Variants in FLNB observed in about 807,000 individuals in gnomAD.
The protein encoded by FLNB is filamin B, also known as filamin-B.
Under a neutral mutation model 250.6 loss-of-function variants are expected in FLNB, and 111 were observed. That is an observed-to-expected ratio of 0.44 (90% CI 0.38 to 0.52). The LOEUF is 0.52. Among genes scored for constraint, FLNB ranks in the 20% least tolerant of loss-of-function variants. FLNB has a pLI of 0.00. For missense variants in FLNB, 2,869 were observed against 3,447.8 expected, an observed-to-expected ratio of 0.83 and a Z score of 4.20; for synonymous variants, 1,302 against 1,372.1, an observed-to-expected ratio of 0.95 and a Z score of 1.13.
At chr3:58,107,278 G>A (rs1041464601) in intron 12 of FLNB, among the ~76,000 whole-genome samples, 6 of 152,074 alleles carry the variant, frequency 3.9e-5, no homozygotes, top group Admixed American at 2.0e-4. Context: ...TGATCCACCC[G>A]CCTCGGCCCT....
intron 32 of FLNB, 31 bp from the exon 33 acceptor site, chr3:58,145,890 C>T (rs374058659): frequency 6.2e-7 from 1 of 1,613,974 alleles, no homozygotes; most frequent in African/African-American, 1.3e-5. Flanking sequence ...TTAATGAGCA[C>T]CAATTTTGTT....
intron 1 of FLNB, among the ~76,000 whole-genome samples, chr3:58,062,289 A>G (rs1244850978): frequency 1.3e-5 from 2 of 152,178 alleles, no homozygotes; most frequent in African/African-American, 2.4e-5. Flanking sequence ...ACTTTTCTAC[A>G]AATTATCCCC....
At chr3:58,123,797 C>G in intron 21 of FLNB, 107 bp downstream of exon 21, 1 of 941,962 alleles carries the variant, frequency 1.1e-6, no homozygotes, top group South Asian at 1.5e-5. Flanking sequence ...AGCCAGGTGA[C>G]ATATAAGGCG....
chr3:58,131,414 GC>G (rs1246077933), intron 25 of FLNB, among the ~76,000 whole-genome samples: 1 of 152,156 alleles, frequency 6.6e-6, no homozygotes, highest in Non-Finnish European at 1.5e-5. Flanking sequence ...TGGCAATTTG[GC>G]CTGCCTTGTT....
chr3:58,036,268 A>C (rs1373610074), intron 1 of FLNB, among the ~76,000 whole-genome samples: 1 of 152,106 alleles, frequency 6.6e-6, no homozygotes, highest in Non-Finnish European at 1.5e-5. Context: ...AAGACAGAGG[A>C]ATTGCAATGG....
chr3:58,062,595 C>CA (rs1346045342), intron 1 of FLNB, among the ~76,000 whole-genome samples: 2 of 152,180 alleles, frequency 1.3e-5, no homozygotes, highest in Non-Finnish European at 2.9e-5. Flanking sequence ...AATTTTCTAT[C>CA]AGCAGTGGCC....
rs773000272 is a variant in FLNB at position 58,077,071 on chromosome 3, C to A, written c.318C>A (p.Asn106Lys). ...SIDSKAIVDG[N>K]LKLILGLVWT... Reference sequence around the variant, plus strand: ...ATAGCAAAGCCATTGTGGATGGGAACCTGAAGCTCATCTTGGGTCTGGTGT... The same window carrying A: ...ATAGCAAAGCCATTGTGGATGGGAAACTGAAGCTCATCTTGGGTCTGGTGT... The change falls in exon 2 of 46, where the codon AAC (asparagine) becomes AAA (lysine). Residue 106 changes from asparagine to lysine, a missense_variant. Asn to Lys is a moderately conservative substitution (Grantham distance 94). This residue lies in a region of FLNB where 308 missense variants were observed against 466.1 expected (regional missense o/e 0.66). Transcript: ENST00000295956. 2.5e-6 allele frequency: 4 copies of A among 1,614,112 alleles called. No homozygotes were observed. Among genetic ancestry groups the A allele is most frequent in the Non-Finnish European group, 2.5e-6 (3 of 1,179,994 alleles).
chr3:58,170,438 G>A (rs1267429989), intron 45 of FLNB, 137 bp from the exon 46 acceptor site: 18 of 769,394 alleles, frequency 2.3e-5, no homozygotes, highest in Admixed American at 6.1e-5. Flanking sequence ...GCCTCTGCTT[G>A]TAATTGCCAC....
chr3:58,008,634 C>T lies in FLNB; in HGVS notation c.70C>T (p.Arg24Cys). Residue 24 changes from arginine (R) to cysteine (C), a missense_variant, in exon 1 of 46, where the codon CGC becomes TGC. Physicochemically the swap from Arg to Cys is radical, Grantham distance 180 (BLOSUM62 -3). Around this residue, in one of 5 missense-constraint regions of FLNB, gnomAD observed 308 missense variants for 466.1 expected, o/e 0.66. Transcript: ENST00000295956. ...GAAGATCCAGCAGAACACGTTCACA[C>T]GCTGGTGCAACGAGCACCTCAAGTG... ...WKKIQQNTFT[R>C]WCNEHLKCVN... The T allele has an allele frequency of 6.2e-7, 1 of 1,613,938 alleles. No individual in the cohort carries two copies. Among genetic ancestry groups the T allele is most frequent in the Non-Finnish European group, 8.5e-7 (1 of 1,179,918 alleles).
chr3:58,077,396 G>C (rs115199080), intron 2 of FLNB, 102 bp downstream of exon 2: 3 of 1,437,956 alleles, frequency 2.1e-6, no homozygotes, highest in Non-Finnish European at 1.9e-6. Flanking sequence ...TTTGATTAGC[G>C]TATTTCTCCA....
Position 58,112,170 on chromosome 3 carries a change from C to T in FLNB, c.2597C>T (p.Thr866Ile), listed in dbSNP as rs1386236064. The change falls in exon 18 of 46, where the codon ACC (threonine) becomes ATC (isoleucine). Residue 866 changes from threonine to isoleucine, a missense_variant. Coordinates refer to ENST00000295956, the MANE Select transcript of FLNB (RefSeq NM_001457.4). ...CCAGGTGTGGAAAATGGGAAACCGA[C>T]CCACTTCACTGTCTACACCAAGGGG... ...SKAGVENGKP[T>I]HFTVYTKGAG... 1 of 1,614,158 alleles carries T rather than the reference C, an allele frequency of 6.2e-7. No homozygotes were observed. Among genetic ancestry groups the T allele is most frequent in the Non-Finnish European group, 8.5e-7 (1 of 1,180,000 alleles).
At chr3:58,078,883 C>T (rs892387866) in intron 3 of FLNB, 69 bp downstream of exon 3, 27 of 1,203,570 alleles carry the variant, frequency 2.2e-5, no homozygotes, top group African/African-American at 6.0e-5. Flanking sequence ...GATGCCTTCC[C>T]GGGTCAGGCA....
chr3:58,159,832 A>T, intron 42 of FLNB, 146 bp downstream of exon 42: 1 of 872,294 alleles, frequency 1.1e-6, no homozygotes, highest in Non-Finnish European at 1.8e-6. Context: ...GATATTGTTT[A>T]TAAATTAGGG....
In FLNB at chr3:58,125,674, T is replaced by A. The variant is rs2107184680; in HGVS notation, c.3992T>A (p.Val1331Glu). 6.2e-7 allele frequency: 1 copy of A among 1,614,142 alleles called. No individual in the cohort carries two copies. Among genetic ancestry groups the A allele is most frequent in the Non-Finnish European group, 8.5e-7 (1 of 1,180,036 alleles). Residue 1331 changes from valine (V) to glutamate (E), a missense_variant, in exon 23 of 46, where the codon GTG becomes GAG. Physicochemically the swap from Val to Glu is moderately radical, Grantham distance 121 (BLOSUM62 -2). Around this residue, in one of 5 missense-constraint regions of FLNB, gnomAD observed 1,348 missense variants for 1,466.7 expected, o/e 0.92. Coordinates refer to ENST00000295956, the MANE Select transcript of FLNB (RefSeq NM_001457.4). ...ACTGAAGGCTGCCAGCCATCTAGGG[T>A]GCAAGCCCAAGGACCTGGATTGAAA... ...AVTEGCQPSR[V>E]QAQGPGLKEA...
At chr3:58,129,333 A>G (rs191888924) in intron 24 of FLNB, among the ~76,000 whole-genome samples, 2 of 152,208 alleles carry the variant, frequency 1.3e-5, no homozygotes, top group East Asian at 1.9e-4. Flanking sequence ...AGTGGCGGAT[A>G]ATGCTTGGGG....
At chr3:58,166,760 T>C (rs2097371293) in intron 43 of FLNB, among the ~76,000 whole-genome samples, 1 of 151,968 alleles carries the variant, frequency 6.6e-6, no homozygotes, top group Admixed American at 6.6e-5. Context: ...AGATTGACGC[T>C]GTGGTGAGCT....
At chr3:58,110,945 A>G (rs1208779254) in intron 16 of FLNB, among the ~76,000 whole-genome samples, 1 of 152,162 alleles carries the variant, frequency 6.6e-6, no homozygotes, top group Admixed American at 6.5e-5. Context: ...GGCTCCTTAC[A>G]ACCAAGAAGG....
intron 1 of FLNB, among the ~76,000 whole-genome samples, chr3:58,060,691 T>G (rs565864352): frequency 2.5e-4 from 34 of 136,054 alleles, no homozygotes; most frequent in African/African-American, 9.4e-4. Flanking sequence ...CACACACCCC[T>G]GTAGTCCCAG....
chr3:58,091,504 C>A (rs1276435294), intron 4 of FLNB, among the ~76,000 whole-genome samples: 1 of 151,802 alleles, frequency 6.6e-6, no homozygotes, highest in African/African-American at 2.4e-5. Flanking sequence ...CAAAAGCAAA[C>A]CCCAAACCAA....
Sources: gnomAD v4.1 joint callset for allele counts (sites outside exome capture counted in the v4.1 genomes callset) on GRCh38, gnomAD v4.1.1 for gene constraint, gnomAD v4.1.1 regional missense constraint, MANE v1.5 for transcripts, NCBI Gene and HGNC (gene_info 2026-07-23, HGNC 2026-07-21) for gene names.